The following RNF13 variants were observed in gnomAD, a reference collection of about 807,000 sequenced individuals.
The protein encoded by RNF13 is E3 ubiquitin-protein ligase RNF13.
Under a neutral mutation model 37.7 loss-of-function variants are expected in RNF13, and 19 were observed. The observed-to-expected ratio is 0.50, with a 90% confidence interval of 0.35 to 0.74. RNF13 has a LOEUF of 0.74. Among genes scored for constraint, RNF13 ranks in the 30% least tolerant of loss-of-function variants. The pLI is 0.01. For missense variants in RNF13, 375 were observed against 453.0 expected, an observed-to-expected ratio of 0.83 and a Z score of 1.56; for synonymous variants, 144 against 157.8, an observed-to-expected ratio of 0.91 and a Z score of 0.65.
chr3:149,952,014 AC>A (rs1198367718), intron 8 of RNF13, among the ~76,000 whole-genome samples: 1 of 151,926 alleles, frequency 6.6e-6, no homozygotes, highest in African/African-American at 2.4e-5. Context: ...CATTCCCTCC[AC>A]CCTACTCCTA....
chr3:149,834,691 T>C (rs995243742), intron 1 of RNF13, among the ~76,000 whole-genome samples: 1 of 152,220 alleles, frequency 6.6e-6, no homozygotes, highest in African/African-American at 2.4e-5. Flanking sequence ...TCCCTCTCTC[T>C]CACTTGCTGC....
chr3:149,837,688 C>T (rs1017151249), intron 1 of RNF13, among the ~76,000 whole-genome samples: 2 of 152,152 alleles, frequency 1.3e-5, no homozygotes, highest in Non-Finnish European at 1.5e-5. Flanking sequence ...GATTGAATTA[C>T]CTCCTGCCGG....
chr3:149,920,309 C>T lies in RNF13; in HGVS notation c.607-825C>T, dbSNP rs1717983279. Among the ~76,000 whole-genome samples the T allele has an allele frequency of 2.0e-5, 3 of 152,152 alleles. 1 individual carries two copies. Among genetic ancestry groups the T allele is most frequent in the Admixed American group, 2.0e-4 (3 of 15,270 alleles). On this transcript the variant is annotated intron_variant, in intron 7 of 9. Transcript: ENST00000392894. ...GGAGTACAGTGGCACAAACATGAGT[C>T]ACTGCAGCCTTGACATCCTGGGCTC...
In RNF13 at chr3:149,872,149, A is replaced by G; in HGVS notation, c.316A>G (p.Ile106Val). ...LIRRLDCNFDIKVLNAQRAGY... is the reference protein window; with the variant it reads ...LIRRLDCNFDVKVLNAQRAGY... ...TAGAAGACTTGATTGTAATTTTGAT[A>G]TAAAGGTATGATTATCTTTTTTCAT... is the stretch of plus-strand genomic sequence containing the variant. Residue 106 changes from isoleucine (I) to valine (V), a missense_variant, in exon 4 of 10, where the codon ATA becomes GTA. By Grantham distance (29) the Ile-to-Val change is conservative. Coordinates refer to ENST00000392894, the MANE Select transcript of RNF13 (RefSeq NM_183381.3). 1 of 1,562,784 alleles carries G rather than the reference A, an allele frequency of 6.4e-7. No individual in the cohort carries two copies. The highest frequency in any genetic ancestry group is 8.7e-7 in the Non-Finnish European group (1 of 1,151,876).
rs554233973 is a variant in RNF13 at position 149,849,758 on chromosome 3, AATT to A, written c.115-2753_115-2751del. ...GTAGAGTTGTTGTTAGGATTAAATA[AATT>A]ATTACCTGTAAAGTGCTTAGCATGA... is the stretch of plus-strand genomic sequence containing the variant. On this transcript the variant is annotated intron_variant, in intron 2 of 9. Transcript: ENST00000392894. Among the ~76,000 whole-genome samples the A allele has an allele frequency of 1.2e-3, 189 of 152,302 alleles. 1 individual carries two copies. Among genetic ancestry groups the A allele is most frequent in the African/African-American group, 4.4e-3 (183 of 41,566 alleles).
chr3:149,903,937 A>ATCCG, intron 6 of RNF13, among the ~76,000 whole-genome samples: 1 of 148,492 alleles, frequency 6.7e-6, no homozygotes, highest in Admixed American at 6.7e-5. Context: ...ATATCTGTCT[A>ATCCG]TCTGTCTGTC....
At chr3:149,843,759 T>C (rs888246079) in intron 1 of RNF13, among the ~76,000 whole-genome samples, 2 of 152,220 alleles carry the variant, frequency 1.3e-5, no homozygotes, top group African/African-American at 4.8e-5. Context: ...AACTGACTGT[T>C]AGGTTTGAAT....
At chr3:149,927,208 T>G (rs1718740415) in intron 8 of RNF13, among the ~76,000 whole-genome samples, 1 of 152,252 alleles carries the variant, frequency 6.6e-6, no homozygotes, top group Non-Finnish European at 1.5e-5. Context: ...ATTTGACTAC[T>G]GTAGGTACCT....
At chr3:149,869,592 C>G (rs576792397) in intron 3 of RNF13, among the ~76,000 whole-genome samples, 1 of 151,020 alleles carries the variant, frequency 6.6e-6, no homozygotes, top group African/African-American at 2.4e-5. Flanking sequence ...GGCGACAGAG[C>G]GAGACTCCGC....
intron 7 of RNF13, among the ~76,000 whole-genome samples, chr3:149,920,271 T>C (rs1304104283): frequency 1.3e-5 from 2 of 152,216 alleles, no homozygotes; most frequent in Non-Finnish European, 2.9e-5. Flanking sequence ...GCCCTCACTC[T>C]GTTGTGCAGG....
At chr3:149,847,070 T>G (rs1722711387) in intron 2 of RNF13, among the ~76,000 whole-genome samples, 2 of 152,180 alleles carry the variant, frequency 1.3e-5, no homozygotes, top group South Asian at 4.1e-4. Context: ...GACTTTATGA[T>G]GGTATGAAAG....
At chr3:149,935,942 A>G (rs1360864716) in intron 8 of RNF13, among the ~76,000 whole-genome samples, 2 of 152,058 alleles carry the variant, frequency 1.3e-5, no homozygotes, top group African/African-American at 4.8e-5. Context: ...GAATTCCTTC[A>G]GCTTTCGTTT....
At chr3:149,952,270 A>C (rs190567135) in intron 8 of RNF13, among the ~76,000 whole-genome samples, 72 of 152,198 alleles carry the variant, frequency 4.7e-4, no homozygotes, top group African/African-American at 1.7e-3. Context: ...TTTAGAAGGA[A>C]ATTTTATGTA....
intron 1 of RNF13, among the ~76,000 whole-genome samples, chr3:149,844,402 A>G (rs1722451963): frequency 6.6e-6 from 1 of 152,240 alleles, no homozygotes; most frequent in Non-Finnish European, 1.5e-5. Flanking sequence ...CAACACATGT[A>G]AAATGTTTAC....
chr3:149,848,436 C>G (rs1722842456), intron 2 of RNF13, among the ~76,000 whole-genome samples: 1 of 151,988 alleles, frequency 6.6e-6, no homozygotes, highest in Admixed American at 6.6e-5. Context: ...AAACAGGGAA[C>G]TAAAAATTGA....
chr3:149,949,965 T>C (rs1721153507), intron 8 of RNF13, among the ~76,000 whole-genome samples: 3 of 152,186 alleles, frequency 2.0e-5, no homozygotes, highest in Admixed American at 2.0e-4. Flanking sequence ...TATTCTTGCA[T>C]ATTATTCCAT....
chr3:149,908,798 G>A (rs1309112877), intron 6 of RNF13, among the ~76,000 whole-genome samples: 2 of 152,172 alleles, frequency 1.3e-5, no homozygotes, highest in East Asian at 3.8e-4. Context: ...GAACAGACAA[G>A]ACTTCATGTG....
chr3:149,843,343 T>C (rs1722349518), intron 1 of RNF13, among the ~76,000 whole-genome samples: 1 of 152,190 alleles, frequency 6.6e-6, no homozygotes, highest in Non-Finnish European at 1.5e-5. Flanking sequence ...GACAACTCTA[T>C]ACATTGCTAA....
intron 6 of RNF13, among the ~76,000 whole-genome samples, chr3:149,905,859 T>G (rs1256116299): frequency 1.3e-5 from 2 of 152,168 alleles, no homozygotes; most frequent in Admixed American, 6.5e-5. Context: ...GGTTTACCCA[T>G]TTAAGGTGTA....
Sources: allele counts gnomAD v4.1 joint callset (sites outside exome capture counted in the v4.1 genomes callset), GRCh38; gene constraint gnomAD v4.1.1; transcripts MANE v1.5; gene names NCBI Gene and HGNC (gene_info 2026-07-23, HGNC 2026-07-21).